PIP4K2A: variants seen among roughly 807,000 people sequenced by gnomAD.
The protein encoded by PIP4K2A is phosphatidylinositol 5-phosphate 4-kinase type-2 alpha.
PIP4K2A carries 14 observed loss-of-function variants against 42.9 expected under a neutral mutation model. The ratio of observed to expected loss-of-function variants is 0.33; its 90% CI spans 0.22 to 0.51. The LOEUF (loss-of-function observed/expected upper bound fraction) is 0.51. Ranked by LOEUF, PIP4K2A falls within the 20% of genes least tolerant of loss-of-function variation. The probability of loss-of-function intolerance (pLI) is 0.97; values close to 1 mark genes in which losing one functional copy is unlikely to be tolerated. For missense variants in PIP4K2A, 434 were observed against 519.8 expected (o/e 0.83, Z 1.61); for synonymous variants, 192 against 192.2 (o/e 1.00, Z 0.01).
At chr10:22,663,547 T>C (rs556848901) in intron 1 of PIP4K2A, among the ~76,000 whole-genome samples, 2 of 152,242 alleles carry the variant, frequency 1.3e-5, no homozygotes, top group Admixed American at 6.5e-5. Context: ...TGTATGTAGG[T>C]AGCATATTTC....
chr10:22,547,925 C>T (rs1007136012), intron 7 of PIP4K2A, among the ~76,000 whole-genome samples: 1 of 152,178 alleles, frequency 6.6e-6, no homozygotes, highest in Non-Finnish European at 1.5e-5. Context: ...GCAACTAGAA[C>T]CTCAGATGAA....
intron 1 of PIP4K2A, among the ~76,000 whole-genome samples, chr10:22,658,835 C>G (rs1839150484): frequency 6.6e-6 from 1 of 152,210 alleles, no homozygotes; most frequent in African/African-American, 2.4e-5. Context: ...GAAGAAAAAA[C>G]TGAGTTTAGA....
chr10:22,546,638 T>TA (rs1836263925), intron 7 of PIP4K2A, among the ~76,000 whole-genome samples: 1 of 152,158 alleles, frequency 6.6e-6, no homozygotes, highest in African/African-American at 2.4e-5. Context: ...CTCAAACTCC[T>TA]GGGCTTAATC....
At chr10:22,664,142 CATATATATACACATATATATATATACAT>C (rs1839285621) in intron 1 of PIP4K2A, among the ~76,000 whole-genome samples, 2 of 27,958 alleles carry the variant, frequency 7.2e-5, no homozygotes, top group African/African-American at 3.4e-4. Context: ...TATATATATA[CATATATATACACATATATATATATACAT>C]ATATATATAT....
At chr10:22,645,799 C>G (rs2130801555) in intron 1 of PIP4K2A, among the ~76,000 whole-genome samples, 1 of 151,872 alleles carries the variant, frequency 6.6e-6, no homozygotes, top group East Asian at 1.9e-4. Context: ...CTCCTGGACT[C>G]AGTTGATCCT....
At chr10:22,573,545 T>C in intron 4 of PIP4K2A, 88 bp from the exon 5 acceptor site, 1 of 1,192,950 alleles carries the variant, frequency 8.4e-7, no homozygotes, top group Non-Finnish European at 1.2e-6. Context: ...ATGGTGTTCA[T>C]ACAAAGTGAA....
intron 3 of PIP4K2A, among the ~76,000 whole-genome samples, chr10:22,600,266 T>C (rs992386722): frequency 2.6e-5 from 4 of 152,162 alleles, no homozygotes; most frequent in African/African-American, 9.7e-5. Flanking sequence ...AAAGTTTTCA[T>C]TTTTGGTTGA....
intron 1 of PIP4K2A, among the ~76,000 whole-genome samples, chr10:22,666,890 A>G (rs1839363469): frequency 6.6e-6 from 1 of 152,210 alleles, no homozygotes; most frequent in Admixed American, 6.5e-5. Context: ...CAACATCCAC[A>G]TCTCTGCAAG....
chr10:22,636,977 G>A (rs546429598), intron 1 of PIP4K2A, among the ~76,000 whole-genome samples: 14 of 152,340 alleles, frequency 9.2e-5, no homozygotes, highest in Non-Finnish European at 1.3e-4. Flanking sequence ...GAAGAACTGC[G>A]CAGCAGAGCC....
At chr10:22,714,112 CGGA>C (rs1833965091) in intron 1 of PIP4K2A, 68 bp downstream of exon 1, 6 of 1,444,672 alleles carry the variant, frequency 4.2e-6, no homozygotes, top group Non-Finnish European at 3.7e-6. Context: ...CAGCTGCAGC[CGGA>C]GGAGGAGGGG....
At chr10:22,554,280 C>T (rs1489334454) in intron 6 of PIP4K2A, among the ~76,000 whole-genome samples, 2 of 152,084 alleles carry the variant, frequency 1.3e-5, no homozygotes, top group African/African-American at 4.8e-5. Flanking sequence ...ATATTAGAAA[C>T]ATCTTTTTTT....
chr10:22,594,458 C>T (rs1390065521), intron 3 of PIP4K2A, among the ~76,000 whole-genome samples: 3 of 152,150 alleles, frequency 2.0e-5, no homozygotes, highest in African/African-American at 4.8e-5. Flanking sequence ...TACAGTGGTG[C>T]GATCTTGGCT....
chr10:22,582,974 C>T (rs1837313496), intron 4 of PIP4K2A, among the ~76,000 whole-genome samples: 1 of 150,668 alleles, frequency 6.6e-6, no homozygotes, highest in South Asian at 2.1e-4. Flanking sequence ...AACTTTACTG[C>T]TTTTCTTAAT....
At chr10:22,638,066 G>T (rs1297932084) in intron 1 of PIP4K2A, among the ~76,000 whole-genome samples, 2 of 152,152 alleles carry the variant, frequency 1.3e-5, no homozygotes, top group African/African-American at 4.8e-5. Flanking sequence ...AGTCCCCCAG[G>T]ACCAAAGAAC....
At chr10:22,638,698 G>A (rs575367507) in intron 1 of PIP4K2A, among the ~76,000 whole-genome samples, 2 of 152,062 alleles carry the variant, frequency 1.3e-5, no homozygotes, top group African/African-American at 4.8e-5. Flanking sequence ...TATTGTTATT[G>A]TATGTTTGAT....
chr10:22,570,128 A>C (rs1836950398), intron 5 of PIP4K2A, among the ~76,000 whole-genome samples: 1 of 152,178 alleles, frequency 6.6e-6, no homozygotes, highest in African/African-American at 2.4e-5. Context: ...CCCTTGAGGC[A>C]CTTACACATC....
intron 1 of PIP4K2A, among the ~76,000 whole-genome samples, chr10:22,638,570 C>G (rs1261329106): frequency 6.6e-6 from 1 of 152,130 alleles, no homozygotes; most frequent in African/African-American, 2.4e-5. Context: ...TTCTTTTTCC[C>G]TTTACTTTTT....
intron 4 of PIP4K2A, among the ~76,000 whole-genome samples, chr10:22,580,227 C>T (rs1564429108): frequency 6.6e-6 from 1 of 151,888 alleles, no homozygotes; most frequent in African/African-American, 2.4e-5. Flanking sequence ...TTAGTGTAAA[C>T]GTAAAACACC....
intron 1 of PIP4K2A, among the ~76,000 whole-genome samples, chr10:22,614,731 G>A (rs1340172780): frequency 6.6e-6 from 1 of 152,132 alleles, no homozygotes; most frequent in Non-Finnish European, 1.5e-5. Flanking sequence ...TTACTGAAAT[G>A]GATTACTTGC....
Sources: gnomAD v4.1 joint callset for allele counts (sites outside exome capture counted in the v4.1 genomes callset) on GRCh38, gnomAD v4.1.1 for gene constraint, MANE v1.5 for transcripts, NCBI Gene and HGNC (gene_info 2026-07-23, HGNC 2026-07-21) for gene names.